CLASP1: variants seen among roughly 807,000 people sequenced by gnomAD.
The protein encoded by CLASP1 is cytoplasmic linker associated protein 1.
CLASP1 carries 38 observed loss-of-function variants against 192.3 expected under a neutral mutation model. The ratio of observed to expected loss-of-function variants is 0.20; its 90% confidence interval spans 0.15 to 0.26. The LOEUF is 0.26. Among genes scored for constraint, CLASP1 ranks in the 10% least tolerant of loss-of-function variants. CLASP1 has a pLI of 1.00. For synonymous variants in CLASP1, 691 were observed against 712.8 expected, an observed-to-expected ratio of 0.97 and a Z score of 0.49; for missense variants, 1,433 against 1,932.5, an observed-to-expected ratio of 0.74 and a Z score of 4.85.
chr2:121,626,195 T>C (rs537468288), intron 1 of CLASP1, among the ~76,000 whole-genome samples: 1 of 152,144 alleles, frequency 6.6e-6, no homozygotes, highest in African/African-American at 2.4e-5. Context: ...GGAGCTAGGT[T>C]ATACCCAGTT....
chr2:121,533,717 C>CCAA (rs2094960967), intron 2 of CLASP1, among the ~76,000 whole-genome samples: 1 of 152,174 alleles, frequency 6.6e-6, no homozygotes, highest in Non-Finnish European at 1.5e-5. Context: ...TGACCCTTGA[C>CCAA]TCTGACATTT....
At chr2:121,635,581 C>T (rs988350454) in intron 1 of CLASP1, among the ~76,000 whole-genome samples, 1 of 152,170 alleles carries the variant, frequency 6.6e-6, no homozygotes, top group African/African-American at 2.4e-5. Context: ...CCAGAGAGGT[C>T]TGATCTCTTA....
intron 7 of CLASP1, among the ~76,000 whole-genome samples, chr2:121,507,747 CAA>C (rs952598943): frequency 4.7e-4 from 71 of 152,140 alleles, no homozygotes; most frequent in African/African-American, 1.6e-3. Context: ...CAAGAGAAGA[CAA>C]AGAGAAAATC....
chr2:121,488,571 T>C (rs937793685), intron 8 of CLASP1, among the ~76,000 whole-genome samples: 4 of 152,204 alleles, frequency 2.6e-5, no homozygotes, highest in African/African-American at 9.6e-5. Flanking sequence ...GGCTCTCCCC[T>C]GTCCTGCAAC....
In CLASP1 at chr2:121,348,678, C is replaced by G. The variant is rs376723713; in HGVS notation, c.4247G>C (p.Ser1416Thr). ...GATGCACTGCTCCGGGTGGATGGAA[C>G]TGGCCAGTGTGGACGCAGCCTCCTC... The change falls in exon 38 of 40, where the codon AGT (serine) becomes ACT (threonine). Residue 1416 changes from serine to threonine, a missense_variant. Ser to Thr is a moderately conservative substitution (Grantham distance 58, BLOSUM62 1). This residue lies in a region of CLASP1 where 148 missense variants were observed against 247.5 expected (regional missense o/e 0.60). Transcript: ENST00000263710. The G allele has an allele frequency of 5.0e-6, 8 of 1,613,554 alleles. No homozygotes were observed. The African/African-American group carries it at 1.1e-4, about 22-fold the overall frequency.
intron 8 of CLASP1, among the ~76,000 whole-genome samples, chr2:121,472,770 A>T (rs1477927543): frequency 7.9e-5 from 12 of 152,238 alleles, no homozygotes; most frequent in Admixed American, 7.9e-4. Flanking sequence ...TTACACAAGT[A>T]GGGAAGCTCC....
At chr2:121,616,245 G>A (rs760669750) in intron 1 of CLASP1, among the ~76,000 whole-genome samples, 2 of 152,064 alleles carry the variant, frequency 1.3e-5, no homozygotes, top group African/African-American at 2.4e-5. Flanking sequence ...TCAGGAGTTC[G>A]AGAACAGCCT....
At chr2:121,376,617 A>C (rs1162227099) in intron 34 of CLASP1, among the ~76,000 whole-genome samples, 1 of 152,140 alleles carries the variant, frequency 6.6e-6, no homozygotes, top group East Asian at 1.9e-4. Context: ...CTATAGCAGG[A>C]GTCCCTAATC....
chr2:121,465,558 G>C (rs2089373477), intron 9 of CLASP1, among the ~76,000 whole-genome samples: 1 of 152,260 alleles, frequency 6.6e-6, no homozygotes. Flanking sequence ...ATGCTCATGG[G>C]TAGGAAGAAT....
At chr2:121,500,333 GGAAAGAAAGAAAAA>G (rs1321243400) in intron 8 of CLASP1, among the ~76,000 whole-genome samples, 10 of 88,542 alleles carry the variant, frequency 1.1e-4, no homozygotes, top group Non-Finnish European at 2.1e-4. Flanking sequence ...AGAGAAAGAA[GGAAAGAAAGAAAAA>G]GAAAGAAAGA....
At chr2:121,583,536 C>T (rs762073508) in intron 2 of CLASP1, among the ~76,000 whole-genome samples, 3 of 152,212 alleles carry the variant, frequency 2.0e-5, no homozygotes, top group Non-Finnish European at 2.9e-5. Context: ...ATCCCCACTG[C>T]CACTTATCCA....
At chr2:121,449,806 G>A (rs759342758) in intron 16 of CLASP1, among the ~76,000 whole-genome samples, 1 of 152,152 alleles carries the variant, frequency 6.6e-6, no homozygotes, top group African/African-American at 2.4e-5. Context: ...TGTGAAGGCA[G>A]TCAAAGAGCA....
chr2:121,455,732 G>A (rs1014061946), intron 14 of CLASP1, among the ~76,000 whole-genome samples: 2 of 152,094 alleles, frequency 1.3e-5, no homozygotes, highest in African/African-American at 2.4e-5. Flanking sequence ...CGTGGTGGCG[G>A]ACGCCTATGG....
At chr2:121,418,633 A>G in exon 23 of CLASP1, 2 of 1,613,434 alleles carry the variant, frequency 1.2e-6, no homozygotes, top group East Asian at 2.2e-5. Flanking sequence ...AAGTGGAGGA[A>G]AGCCCCGAGC....
chr2:121,349,389 AGG>A lies in CLASP1; in HGVS notation c.4207-673_4207-672del, dbSNP rs556876077. Reference sequence around the variant, plus strand: ...CTCAGAGATGGGCCCCAACTGGAGGAGGGGGTGCAACGAGCTGTGTTGGTAAG... The same window carrying A: ...CTCAGAGATGGGCCCCAACTGGAGGAGGGTGCAACGAGCTGTGTTGGTAAG... On this transcript the variant is annotated intron_variant, in intron 37 of 39. Transcript: ENST00000263710. Among the ~76,000 whole-genome samples the A allele has an allele frequency of 6.0e-3, 906 of 152,260 alleles. 8 individuals carry two copies. The highest frequency in any genetic ancestry group is 0.01 in the Non-Finnish European group (706 of 68,002).
At chr2:121,646,131 T>C (rs961545184) in intron 1 of CLASP1, among the ~76,000 whole-genome samples, 2 of 152,224 alleles carry the variant, frequency 1.3e-5, no homozygotes, top group Non-Finnish European at 2.9e-5. Flanking sequence ...TTTTTGTTTT[T>C]AGACAAGGTA....
chr2:121,437,525 C>T (rs2082512821), intron 19 of CLASP1, among the ~76,000 whole-genome samples: 1 of 152,160 alleles, frequency 6.6e-6, no homozygotes, highest in Non-Finnish European at 1.5e-5. Context: ...CCACAGCCAA[C>T]TTAAAATGAT....
At chr2:121,398,628 G>A (rs906112281) in intron 28 of CLASP1, among the ~76,000 whole-genome samples, 2 of 152,178 alleles carry the variant, frequency 1.3e-5, no homozygotes, top group African/African-American at 4.8e-5. Flanking sequence ...CTTACTTTGA[G>A]TGGCTATTTA....
In CLASP1 at chr2:121,530,340, ACCGGGAG is replaced by A. The variant is rs2094737610; in HGVS notation, c.196-22_196-16del. 6.5e-7 allele frequency: 1 copy of A among 1,544,330 alleles called. No homozygotes were observed. Among genetic ancestry groups the A allele is most frequent in the Admixed American group, 2.0e-5 (1 of 50,834 alleles). On this transcript the variant is annotated splice_polypyrimidine_tract_variant and intron_variant, in intron 2 of 39. Transcript: ENST00000263710. ...AGCAGAACCACCTGCAGCGGGAAACACCGGGAGCCTGTTAGCAGCCGGCCTGCGGGGC... is the reference window on the plus strand; with the variant it reads ...AGCAGAACCACCTGCAGCGGGAAACACCTGTTAGCAGCCGGCCTGCGGGGC...
Sources: allele counts gnomAD v4.1 joint callset (sites outside exome capture counted in the v4.1 genomes callset), GRCh38; gene constraint gnomAD v4.1.1; regional missense constraint gnomAD v4.1.1; transcripts MANE v1.5; gene names NCBI Gene and HGNC (gene_info 2026-07-23, HGNC 2026-07-21).